The following THUMPD2 variants were observed in gnomAD, a reference collection of about 807,000 sequenced individuals.
THUMPD2 encodes U6 snRNA (guanine-N(2))-methyltransferase THUMPD2.
A neutral mutation model predicts 49.4 loss-of-function variants in THUMPD2; 56 were observed. The ratio of observed to expected loss-of-function variants is 1.13; its 90% CI spans 0.91 to 1.41. THUMPD2 has a LOEUF of 1.41. Ranked by LOEUF, THUMPD2 falls within the 40% of genes most tolerant of loss-of-function variation. THUMPD2 has a pLI of 0.00. For missense variants in THUMPD2, 709 were observed against 594.5 expected (o/e 1.19, Z -2.00); for synonymous variants, 237 against 205.2 (o/e 1.15, Z -1.32).
At chr2:39,743,761 G>A (rs1403637280) in intron 9 of THUMPD2, among the ~76,000 whole-genome samples, 1 of 152,202 alleles carries the variant, frequency 6.6e-6, no homozygotes. Flanking sequence ...TGAGCAGATA[G>A]ATGCTGGCAC....
At chr2:39,760,024 A>G (rs1007741275) in intron 6 of THUMPD2, among the ~76,000 whole-genome samples, 29 of 152,222 alleles carry the variant, frequency 1.9e-4, no homozygotes, top group Non-Finnish European at 3.2e-4. Flanking sequence ...GTGTGTGTGT[A>G]TATAAAAATA....
chr2:39,770,068 C>G lies in THUMPD2; in HGVS notation c.314G>C (p.Trp105Ser), dbSNP rs967959161. 6.4e-7 allele frequency: 1 copy of G among 1,554,674 alleles called. No individual in the cohort carries two copies. Among genetic ancestry groups the G allele is most frequent in the African/African-American group, 1.4e-5 (1 of 71,322 alleles). The change falls in exon 3 of 10, where the codon TGG becomes TCG. Residue 105 changes from tryptophan (W) to serine (S), a missense_variant. Physicochemically the swap from Trp to Ser is radical, Grantham distance 177. Coordinates refer to ENST00000505747, the MANE Select transcript of THUMPD2 (RefSeq NM_025264.5). ...TTTCCAAATTGAAATGGCATTCAAC[C>G]AACTTCCTGGATCTTCATTTATAAG... ...QRLINEDPGS[W>S]LNAISIWKNL...
rs1297500278 is a variant in THUMPD2, at chr2:39,768,496, T to C, written c.678A>G (p.Val226=). The change falls in exon 4 of 10, where the codon GTA becomes GTG. Residue 226 remains valine, a synonymous_variant. Transcript: ENST00000505747. The part of the protein sequence containing the change: ...TIGKAFTAQE[V]GKVIGIAIMK... ...TAATAGCAATTCCAATTACTTTTCC[T>C]ACCTCCTGGAAAAGTACCAAGTTAA... 2 of 1,610,856 alleles carry C rather than the reference T, an allele frequency of 1.2e-6. No homozygotes were observed.
chr2:39,769,013 T>C (rs1013385881), intron 3 of THUMPD2: 16 of 1,304,588 alleles, frequency 1.2e-5, no homozygotes, highest in South Asian at 3.7e-5. Context: ...CAACAGTTTG[T>C]GGTGTTCGCT....
At chr2:39,754,520 T>C (rs1251981296) in intron 8 of THUMPD2, among the ~76,000 whole-genome samples, 1 of 152,212 alleles carries the variant, frequency 6.6e-6, no homozygotes, top group African/African-American at 2.4e-5. Flanking sequence ...TACTGGGACC[T>C]ATCTACTACC....
At chr2:39,757,841 C>G (rs1676340160) in intron 6 of THUMPD2, among the ~76,000 whole-genome samples, 1 of 152,124 alleles carries the variant, frequency 6.6e-6, no homozygotes, top group Admixed American at 6.5e-5. Flanking sequence ...TGGCCTTACC[C>G]AAGGCTGAGC....
intron 5 of THUMPD2, among the ~76,000 whole-genome samples, chr2:39,764,371 CAG>C (rs889410066): frequency 2.6e-4 from 39 of 152,262 alleles, no homozygotes; most frequent in African/African-American, 8.2e-4. Context: ...CCCAAACTTG[CAG>C]AGTTATAATA....
rs555658710 is a variant in THUMPD2 at position 39,754,294 on chromosome 2, T to C, written c.1078+1001A>G. 2.5e-3 allele frequency among the ~76,000 whole-genome samples: 374 copies of C among 152,274 alleles called. 3 individuals are homozygous for C. The highest frequency in any genetic ancestry group is 4.1e-3 in the Non-Finnish European group (277 of 68,020). The stretch of plus-strand genomic sequence containing the variant: ...CTTGTGTCTCCTGCACAGAGTCCTA[T>C]TAAAAACCTTGGCAGAAAGGCTTAA... On this transcript the variant is annotated intron_variant, in intron 8 of 9. Transcript: ENST00000505747.
intron 5 of THUMPD2, among the ~76,000 whole-genome samples, chr2:39,762,993 T>C (rs1306945499): frequency 1.3e-5 from 2 of 151,986 alleles, no homozygotes; most frequent in Non-Finnish European, 2.9e-5. Context: ...GGCAAAATTA[T>C]CTCATTACTT....
At chr2:39,774,565 C>A (rs1678818043) in intron 1 of THUMPD2, among the ~76,000 whole-genome samples, 1 of 152,140 alleles carries the variant, frequency 6.6e-6, no homozygotes, top group Non-Finnish European at 1.5e-5. Flanking sequence ...ATCAAATAAT[C>A]CTATCTGTGA....
At chr2:39,762,152 CT>C (rs1676901763) in intron 5 of THUMPD2, among the ~76,000 whole-genome samples, 1 of 152,106 alleles carries the variant, frequency 6.6e-6, no homozygotes, top group African/African-American at 2.4e-5. Context: ...ACTTTCCAAG[CT>C]TTTCTAGTTC....
chr2:39,769,660 A>G, intron 3 of THUMPD2, 50 bp downstream of exon 3: 1 of 1,463,964 alleles, frequency 6.8e-7, no homozygotes, highest in Non-Finnish European at 9.0e-7. Flanking sequence ...CAGATTGTGC[A>G]ACTGCATTCC....
In THUMPD2 at chr2:39,770,127, A is replaced by G; in HGVS notation, c.263-8T>C. The stretch of plus-strand genomic sequence containing the variant: ...TTTCATTAAATATTTTTCCTAAATA[A>G]GAAAAATCTTGTTGATCCTCTATTG... On this transcript the variant is annotated splice_polypyrimidine_tract_variant and splice_region_variant and intron_variant, in intron 2 of 9. Transcript: ENST00000505747. The G allele has an allele frequency of 6.8e-7, 1 of 1,461,500 alleles. No homozygotes were observed. The highest frequency in any genetic ancestry group is 9.0e-7 in the Non-Finnish European group (1 of 1,113,112). The allele number at this position is 1,461,500 out of a possible 1,614,324, so 90.5% of individuals were successfully genotyped here.
chr2:39,770,323 A>C (rs1176908755), intron 2 of THUMPD2, among the ~76,000 whole-genome samples: 2 of 152,114 alleles, frequency 1.3e-5, no homozygotes, highest in East Asian at 3.9e-4. Flanking sequence ...TACATTGCAT[A>C]TATAGCATCC....
chr2:39,758,650 G>A (rs1676434610), intron 6 of THUMPD2, among the ~76,000 whole-genome samples: 1 of 152,178 alleles, frequency 6.6e-6, no homozygotes, highest in Non-Finnish European at 1.5e-5. Context: ...TTACACTGCT[G>A]AGCCTGGGGT....
At chr2:39,761,640 A>G (rs1426665675) in intron 5 of THUMPD2, among the ~76,000 whole-genome samples, 1 of 152,186 alleles carries the variant, frequency 6.6e-6, no homozygotes, top group Non-Finnish European at 1.5e-5. Context: ...GTAAATTTTT[A>G]GACAACTGAA....
intron 5 of THUMPD2, among the ~76,000 whole-genome samples, chr2:39,765,479 C>T (rs1677393181): frequency 6.6e-6 from 1 of 151,702 alleles, no homozygotes; most frequent in South Asian, 2.1e-4. Flanking sequence ...TTTTTAGATA[C>T]TTAGGCTCAC....
At chr2:39,741,540 G>GTA (rs1673898377) in intron 9 of THUMPD2, among the ~76,000 whole-genome samples, 1 of 152,118 alleles carries the variant, frequency 6.6e-6, no homozygotes, top group Admixed American at 6.6e-5. Context: ...TTTTGCTCAT[G>GTA]TATTTGCACA....
At chr2:39,742,337 G>T (rs552463125) in intron 9 of THUMPD2, among the ~76,000 whole-genome samples, 12 of 152,272 alleles carry the variant, frequency 7.9e-5, no homozygotes, top group Admixed American at 5.2e-4. Flanking sequence ...AGGAAGTCAG[G>T]AATATGCATT....
Sources: gnomAD v4.1 joint callset for allele counts (sites outside exome capture counted in the v4.1 genomes callset) on GRCh38, gnomAD v4.1.1 for gene constraint, MANE v1.5 for transcripts, NCBI Gene and HGNC (gene_info 2026-07-23, HGNC 2026-07-21) for gene names.